The following SLCO1C1 variants were observed in gnomAD, a reference collection of about 807,000 sequenced individuals.
The protein encoded by SLCO1C1 is OAT-RP-5.
Under a neutral mutation model 76.4 loss-of-function variants are expected in SLCO1C1, and 70 were observed. That is an observed-to-expected ratio of 0.92 (90% CI 0.76 to 1.12). The LOEUF (loss-of-function observed/expected upper bound fraction) is 1.12. Among genes scored for constraint, SLCO1C1 ranks in the 50% most tolerant of loss-of-function variants. The pLI is 0.00. For missense variants in SLCO1C1, 912 were observed against 823.8 expected, an observed-to-expected ratio of 1.11 and a Z score of -1.31; for synonymous variants, 306 against 286.1, an observed-to-expected ratio of 1.07 and a Z score of -0.70.
chr12:20,752,504 G>C lies in SLCO1C1; in HGVS notation c.2115G>C (p.Trp705Cys), dbSNP rs765340379. The change falls in exon 15 of 15, where the codon TGG becomes TGC. Residue 705 changes from tryptophan to cysteine, a missense_variant. Coordinates refer to ENST00000266509, the MANE Select transcript of SLCO1C1 (RefSeq NM_017435.5). ...ATCATCTGCTACAACCCAACTACTGGCCAGGCAAGGAAACTCAACTTTAGA... is the reference window on the plus strand; with the variant it reads ...ATCATCTGCTACAACCCAACTACTGCCCAGGCAAGGAAACTCAACTTTAGA... Reference protein sequence around the residue: ...TSDHLLQPNYWPGKETQL With the variant: ...TSDHLLQPNYCPGKETQL 1.9e-6 allele frequency: 3 copies of C among 1,589,420 alleles called. No homozygotes were observed. The African/African-American group carries it at 4.0e-5, about 21-fold the overall frequency.
intron 3 of SLCO1C1, among the ~76,000 whole-genome samples, chr12:20,705,344 T>C (rs1355578566): frequency 6.6e-6 from 1 of 151,998 alleles, no homozygotes; most frequent in Admixed American, 6.6e-5. Flanking sequence ...GTTATATAAT[T>C]GATGTACACC....
intron 10 of SLCO1C1, 132 bp from the exon 11 acceptor site, chr12:20,736,975 G>GTTTCT (rs1255267201): frequency 5.3e-5 from 33 of 621,436 alleles, no homozygotes; most frequent in Non-Finnish European, 7.6e-5. Flanking sequence ...CATTTCTGAT[G>GTTTCT]ACAACTGTGT....
chr12:20,742,295 G>A (rs1048182221), intron 12 of SLCO1C1, among the ~76,000 whole-genome samples: 8 of 149,756 alleles, frequency 5.3e-5, no homozygotes, highest in African/African-American at 1.7e-4. Context: ...GAATTTTGAT[G>A]TCAGAAGGAC....
chr12:20,726,735 G>A (rs1004773798), intron 9 of SLCO1C1, among the ~76,000 whole-genome samples: 7 of 152,076 alleles, frequency 4.6e-5, no homozygotes, highest in Non-Finnish European at 2.9e-5. Flanking sequence ...TAGGGAGTAT[G>A]TGTACAGTGC....
At chr12:20,709,483 A>G (rs1946953037) in intron 4 of SLCO1C1, among the ~76,000 whole-genome samples, 1 of 152,204 alleles carries the variant, frequency 6.6e-6, no homozygotes, top group Admixed American at 6.5e-5. Context: ...ACTTACTTCA[A>G]TAGTCTTGAA....
intron 13 of SLCO1C1, among the ~76,000 whole-genome samples, chr12:20,747,511 A>C (rs529929458): frequency 6.6e-6 from 1 of 152,190 alleles, no homozygotes; most frequent in Non-Finnish European, 1.5e-5. Context: ...ATGATGGTAC[A>C]TGAGGGTTAA....
intron 13 of SLCO1C1, among the ~76,000 whole-genome samples, chr12:20,745,149 T>G (rs1156791887): frequency 1.3e-5 from 2 of 152,134 alleles, no homozygotes; most frequent in Non-Finnish European, 2.9e-5. Context: ...TGGTTACCTG[T>G]AGAAGAAAGG....
chr12:20,737,327 A>G (rs2120857776), intron 11 of SLCO1C1, 55 bp downstream of exon 11: 2 of 1,506,994 alleles, frequency 1.3e-6, no homozygotes, highest in South Asian at 2.7e-5. Context: ...TATAAACAAC[A>G]AAACTCTATG....
In SLCO1C1 at chr12:20,737,151, G is replaced by A. The variant is rs1299681114; in HGVS notation, c.1427G>A (p.Cys476Tyr). ...SYHERALFSD[C>Y]NSRCKCSETK... is the part of the protein sequence containing the mutation. ...CATGAACGAGCTCTCTTTTCAGATT[G>A]CAACTCAAGATGCAAATGTTCAGAG... The change falls in exon 11 of 15, where the codon TGC (cysteine) becomes TAC (tyrosine). Residue 476 changes from cysteine to tyrosine, a missense_variant. By Grantham distance (194) the Cys-to-Tyr change is radical. Transcript: ENST00000266509. 6.4e-7 allele frequency: 1 copy of A among 1,556,402 alleles called. No individual in the cohort carries two copies. The highest frequency in any genetic ancestry group is 2.2e-5 in the Admixed American group (1 of 46,388).
intron 3 of SLCO1C1, among the ~76,000 whole-genome samples, chr12:20,705,118 G>A (rs756595147): frequency 1.1e-4 from 16 of 151,956 alleles, no homozygotes; most frequent in East Asian, 5.8e-4. Flanking sequence ...ACAGCAAAGC[G>A]TGAGAAATAT....
Position 20,730,872 on chromosome 12 carries a change from C to T in SLCO1C1, c.1187-2037C>T, listed in dbSNP as rs370464244. Among the ~76,000 whole-genome samples, 314 of 152,278 alleles carry T rather than the reference C, an allele frequency of 2.1e-3. 8 individuals carry two copies. The South Asian group carries it at 0.06, about 29-fold the overall frequency. ...ACGGCTGAGACACATACTCAAACAC[C>T]GATAATCAGTGAAACAGTGGGCCAG... On this transcript the variant is annotated intron_variant, in intron 9 of 14. Transcript: ENST00000266509.
chr12:20,716,108 G>A (rs906389096), intron 6 of SLCO1C1, among the ~76,000 whole-genome samples: 1 of 152,140 alleles, frequency 6.6e-6, no homozygotes, highest in African/African-American at 2.4e-5. Flanking sequence ...TCATTGAGGG[G>A]CGCTACAGCT....
chr12:20,742,140 T>G (rs1948842815), intron 12 of SLCO1C1, among the ~76,000 whole-genome samples: 1 of 152,176 alleles, frequency 6.6e-6, no homozygotes, highest in Admixed American at 6.5e-5. Flanking sequence ...CAGCCTGAGT[T>G]TGACAAAATG....
At chr12:20,746,919 AAAAC>A (rs1949074447) in intron 13 of SLCO1C1, among the ~76,000 whole-genome samples, 2 of 152,156 alleles carry the variant, frequency 1.3e-5, no homozygotes, top group Admixed American at 6.5e-5. Flanking sequence ...GATCCTTATA[AAAAC>A]AAACGAACTA....
Position 20,706,035 on chromosome 12 carries a change from G to A in SLCO1C1, c.358G>A (p.Gly120Arg), listed in dbSNP as rs750496047. The A allele has an allele frequency of 3.7e-6, 6 of 1,613,198 alleles. No individual in the cohort carries two copies. Among genetic ancestry groups the A allele is most frequent in the African/African-American group, 1.3e-5 (1 of 74,976 alleles). The change falls in exon 4 of 15, where the codon GGA becomes AGA. Residue 120 changes from glycine (G) to arginine (R), a missense_variant. Gly to Arg is a moderately radical substitution (Grantham distance 125). Transcript: ENST00000266509. ...KIIGAGCVIM[G>R]VGTLLIAMPQ... ...AATTGGAGCAGGGTGTGTAATCATG[G>A]GAGTTGGAACACTGCTCATTGCAAT...
Position 20,740,612 on chromosome 12 carries a change from A to C in SLCO1C1, c.1733+244A>C, listed in dbSNP as rs531682443. ...GGTCTAGGAAGCAATGTTAGTTTCT[A>C]CATCACTAGAGTTGCTTAATAAATA... is the stretch of plus-strand genomic sequence containing the variant. On this transcript the variant is annotated intron_variant, in intron 12 of 14. Coordinates refer to ENST00000266509, the MANE Select transcript of SLCO1C1 (RefSeq NM_017435.5). Among the ~76,000 whole-genome samples, 9 of 151,786 alleles carry C rather than the reference A, an allele frequency of 5.9e-5. No individual in the cohort carries two copies. The East Asian group carries it at 1.7e-3, about 29-fold the overall frequency.
chr12:20,714,159 C>T (rs945919224), intron 5 of SLCO1C1, among the ~76,000 whole-genome samples: 12 of 152,168 alleles, frequency 7.9e-5, no homozygotes, highest in African/African-American at 2.9e-4. Context: ...AAGGTGTTCA[C>T]CTTAGTTCTT....
intron 12 of SLCO1C1, among the ~76,000 whole-genome samples, chr12:20,741,943 T>C (rs1465218716): frequency 6.6e-6 from 1 of 152,204 alleles, no homozygotes; most frequent in Non-Finnish European, 1.5e-5. Flanking sequence ...AATTTTTTTC[T>C]AAAGTAAGAC....
At chr12:20,742,896 C>T (rs1316240459) in intron 12 of SLCO1C1, among the ~76,000 whole-genome samples, 3 of 152,070 alleles carry the variant, frequency 2.0e-5, no homozygotes, top group African/African-American at 4.8e-5. Context: ...TATATCTACT[C>T]TGATCACTTT....
Sources: gnomAD v4.1 joint callset for allele counts (sites outside exome capture counted in the v4.1 genomes callset) on GRCh38, gnomAD v4.1.1 for gene constraint, MANE v1.5 for transcripts, NCBI Gene and HGNC (gene_info 2026-07-23, HGNC 2026-07-21) for gene names.